Variants in DIMT1 observed in about 807,000 individuals in gnomAD.
DIMT1 encodes the protein dimethyladenosine transferase.
A neutral mutation model predicts 43.2 loss-of-function variants in DIMT1; 36 were observed. The ratio of observed to expected loss-of-function variants is 0.83; its 90% CI spans 0.64 to 1.10. The LOEUF (loss-of-function observed/expected upper bound fraction) is 1.10. Ranked by LOEUF, DIMT1 falls within the 50% of genes least tolerant of loss-of-function variation. The probability of loss-of-function intolerance (pLI) is 0.00; values close to 1 mark genes in which losing one functional copy is unlikely to be tolerated. For synonymous variants in DIMT1, 126 were observed against 130.3 expected, an observed-to-expected ratio of 0.97 and a Z score of 0.22; for missense variants, 341 against 385.3, an observed-to-expected ratio of 0.88 and a Z score of 0.96.
intron 6 of DIMT1, among the ~76,000 whole-genome samples, chr5:62,397,480 T>C (rs527238966): frequency 3.5e-4 from 53 of 152,266 alleles, no homozygotes; most frequent in Non-Finnish European, 6.8e-4. Context: ...TTGTTTGTGC[T>C]GTTGAATGTT....
At chr5:62,398,990 A>T in intron 3 of DIMT1, 109 bp from the exon 4 acceptor site, 1 of 886,742 alleles carries the variant, frequency 1.1e-6, no homozygotes, top group Non-Finnish European at 1.7e-6. Flanking sequence ...TTCTTCTCCC[A>T]TTTCTACCAT....
chr5:62,395,671 T>C (rs1026555539), intron 6 of DIMT1, among the ~76,000 whole-genome samples: 1 of 152,278 alleles, frequency 6.6e-6, no homozygotes, highest in Non-Finnish European at 1.5e-5. Context: ...GTATATAATA[T>C]AGAAAGTGAC....
In DIMT1 at chr5:62,387,625, G is replaced by T. The variant is rs1742096873; in HGVS notation, c.*1385C>A. 2 of 152,102 alleles carry T rather than the reference G, an allele frequency of 1.3e-5. No individual in the cohort carries two copies. Among genetic ancestry groups the T allele is most frequent in the South Asian group, 4.1e-4 (2 of 4,834 alleles). The allele number at this position is 152,102 out of a possible 1,614,324, so 9.4% of individuals were successfully genotyped here. On this transcript the variant is annotated 3_prime_UTR_variant, in exon 12 of 12. Coordinates refer to ENST00000199320, the MANE Select transcript of DIMT1 (RefSeq NM_014473.4). ...AGGCCAGAAAAGGAACTAAAACTCA[G>T]CAGTTCATAGGGGTAGAGGGAAATA...
At chr5:62,392,682 G>T (rs946821547) in intron 9 of DIMT1, 16 of 409,374 alleles carry the variant, frequency 3.9e-5, no homozygotes, top group African/African-American at 3.3e-4. Context: ...GCAGATATAT[G>T]GTCAGAGTTT....
At chr5:62,389,795 T>G (rs1444851737) in intron 11 of DIMT1, among the ~76,000 whole-genome samples, 3 of 152,242 alleles carry the variant, frequency 2.0e-5, no homozygotes, top group Non-Finnish European at 4.4e-5. Flanking sequence ...TGTAGATACC[T>G]ATGTACTTAA....
chr5:62,391,869 T>A lies in DIMT1; in HGVS notation c.792+302A>T, dbSNP rs1742315502. The A allele has an allele frequency of 6.6e-6, 10 of 1,521,764 alleles. No homozygotes were observed. The East Asian group carries it at 2.5e-4, about 37-fold the overall frequency. 94.3% of individuals were successfully genotyped at this position (1,521,764 alleles called of 1,614,324 possible). A position where few individuals can be genotyped will look rare whatever the true frequency, so the allele number is the denominator to read the frequency against. Reference sequence around the variant, plus strand: ...TATTTTAAGTTGTGCAAGCTACACATATCTACAGCTTTGAGGAACCTGTAA... The same window carrying A: ...TATTTTAAGTTGTGCAAGCTACACAAATCTACAGCTTTGAGGAACCTGTAA... On this transcript the variant is annotated intron_variant, in intron 10 of 11. Coordinates refer to ENST00000199320, the MANE Select transcript of DIMT1 (RefSeq NM_014473.4).
intron 6 of DIMT1, among the ~76,000 whole-genome samples, chr5:62,398,211 A>G (rs1045166711): frequency 6.6e-6 from 1 of 152,170 alleles, no homozygotes; most frequent in African/African-American, 2.4e-5. Context: ...TATACTAGAG[A>G]CCAGTTAGGA....
rs773054076 is a variant in DIMT1, at chr5:62,402,033, T to C, written c.240+3A>G. On this transcript the variant is annotated splice_donor_region_variant and intron_variant, in intron 3 of 11. Transcript: ENST00000199320. Reference sequence around the variant, plus strand: ...GATACCAAACATTAAATCCCCTTTCTACCTTTTTTGCCTTTTCTAACAACT... The same window carrying C: ...GATACCAAACATTAAATCCCCTTTCCACCTTTTTTGCCTTTTCTAACAACT... 1.2e-6 allele frequency: 2 copies of C among 1,613,376 alleles called. No homozygotes were observed. The highest frequency in any genetic ancestry group is 1.7e-5 in the Admixed American group (1 of 59,752).
At chr5:62,390,341 CT>C (rs779719297) in intron 11 of DIMT1, among the ~76,000 whole-genome samples, 4 of 152,166 alleles carry the variant, frequency 2.6e-5, no homozygotes, top group African/African-American at 4.8e-5. Context: ...ATTATGACAG[CT>C]TTTTACTTGA....
intron 3 of DIMT1, 56 bp from the exon 4 acceptor site, chr5:62,398,937 T>C: frequency 7.5e-7 from 1 of 1,333,580 alleles, no homozygotes; most frequent in Admixed American, 2.1e-5. Flanking sequence ...AAATCTTTTA[T>C]TGTTATCCCA....
Position 62,403,831 on chromosome 5 carries a change from G to C in DIMT1, c.-59C>G, listed in dbSNP as rs888941564. On this transcript the variant is annotated 5_prime_UTR_variant, in exon 1 of 12. Coordinates refer to ENST00000199320, the MANE Select transcript of DIMT1 (RefSeq NM_014473.4). ...TCAAGGAGGACCAAAGAGGGCTAGC[G>C]TGAGAAAGCCACCACGTGGGGATCG... The C allele has an allele frequency of 2.6e-6, 4 of 1,554,332 alleles. No individual in the cohort carries two copies. Among genetic ancestry groups the C allele is most frequent in the African/African-American group, 1.4e-5 (1 of 72,978 alleles).
At chr5:62,397,356 A>G (rs1441540359) in intron 6 of DIMT1, among the ~76,000 whole-genome samples, 2 of 152,196 alleles carry the variant, frequency 1.3e-5, no homozygotes, top group Non-Finnish European at 2.9e-5. Context: ...AAAATCTTTC[A>G]GAAAAGAGGG....
rs903997085 is a variant in DIMT1, at chr5:62,402,068, T to C, written c.208A>G (p.Met70Val). The C allele has an allele frequency of 1.9e-6, 3 of 1,614,030 alleles. No individual in the cohort carries two copies. Among genetic ancestry groups the C allele is most frequent in the Non-Finnish European group, 1.7e-6 (2 of 1,179,978 alleles). ...GCCTTTTCTAACAACTTTACAGTCATGTTGCCAGTTCCAGGTCCAACTTCC... is the reference window on the plus strand; with the variant it reads ...GCCTTTTCTAACAACTTTACAGTCACGTTGCCAGTTCCAGGTCCAACTTCC... ...VLEVGPGTGN[M>V]TVKLLEKAKK... Residue 70 changes from methionine to valine, a missense_variant, in exon 3 of 12, where the codon ATG becomes GTG. Physicochemically the swap from Met to Val is conservative, Grantham distance 21. Transcript: ENST00000199320.
At chr5:62,398,351 C>T in intron 6 of DIMT1, 160 bp downstream of exon 6, 2 of 689,002 alleles carry the variant, frequency 2.9e-6, no homozygotes, top group East Asian at 5.2e-5. Flanking sequence ...CCCCAAATAA[C>T]CTCTCAATTA....
At position 62,391,653 on chromosome 5, in the gene DIMT1, AT is replaced by A. The variant is rs1226094104; in HGVS notation, c.792+517del. 9 of 1,095,606 alleles carry A rather than the reference AT, an allele frequency of 8.2e-6. No homozygotes were observed. In the African/African-American group the frequency reaches 1.5e-4, roughly 18 times the overall value. The allele number at this position is 1,095,606 out of a possible 1,614,324, so 67.9% of individuals were successfully genotyped here. ...TCTAATTAAACTGGAAGCTAAAAAG[AT>A]AGCAAACATCACATCGCACACACTG... On this transcript the variant is annotated intron_variant, in intron 10 of 11. Coordinates refer to ENST00000199320, the MANE Select transcript of DIMT1 (RefSeq NM_014473.4).
intron 9 of DIMT1, 66 bp downstream of exon 9, chr5:62,392,860 A>G (rs1476838211): frequency 1.9e-5 from 22 of 1,141,602 alleles, no homozygotes; most frequent in Non-Finnish European, 2.3e-5. Flanking sequence ...CAGGAAAAGG[A>G]CCAAATTCTA....
rs987195033 is a variant in DIMT1 at position 62,388,045 on chromosome 5, C to T, written c.*965G>A. 5 of 152,042 alleles carry T rather than the reference C, an allele frequency of 3.3e-5. No individual in the cohort carries two copies. The highest frequency in any genetic ancestry group is 1.2e-4 in the African/African-American group (5 of 41,392). The allele number at this position is 152,042 out of a possible 1,614,324, so 9.4% of individuals were successfully genotyped here. On this transcript the variant is annotated 3_prime_UTR_variant, in exon 12 of 12. Transcript: ENST00000199320. ...TTAACAGCACTTAGTATTATATTGA[C>T]TTAAACATAGTAGCTAATAAAACTA...
At chr5:62,389,577 G>A (rs1165039468) in intron 11 of DIMT1, among the ~76,000 whole-genome samples, 1 of 150,954 alleles carries the variant, frequency 6.6e-6, no homozygotes, top group Non-Finnish European at 1.5e-5. Flanking sequence ...TCTTTCATTA[G>A]AGCCTTTATG....
intron 3 of DIMT1, 152 bp from the exon 4 acceptor site, chr5:62,399,033 A>T (rs1311343592): frequency 1.4e-6 from 1 of 706,088 alleles, no homozygotes; most frequent in African/African-American, 1.8e-5. Flanking sequence ...GCATACTTCA[A>T]ACAACAAACA....
Sources: gnomAD v4.1 joint callset for allele counts (sites outside exome capture counted in the v4.1 genomes callset) on GRCh38, gnomAD v4.1.1 for gene constraint, MANE v1.5 for transcripts, NCBI Gene and HGNC (gene_info 2026-07-23, HGNC 2026-07-21) for gene names.